GPR180: variants seen among roughly 807,000 people sequenced by gnomAD.
GPR180 encodes G protein-coupled receptor 180.
Under a neutral mutation model 52.6 loss-of-function variants are expected in GPR180, and 53 were observed. That is an observed-to-expected ratio of 1.01 (90% CI 0.81 to 1.27). The LOEUF is 1.27. Ranked by LOEUF, GPR180 falls within the 50% of genes most tolerant of loss-of-function variation. The pLI is 0.00. For missense variants in GPR180, 533 were observed against 527.0 expected (o/e 1.01, Z -0.11); for synonymous variants, 200 against 193.1 (o/e 1.04, Z -0.30).
At chr13:94,607,745 A>AG (rs1244798098) in intron 2 of GPR180, among the ~76,000 whole-genome samples, 1 of 152,198 alleles carries the variant, frequency 6.6e-6, no homozygotes, top group Non-Finnish European at 1.5e-5. Flanking sequence ...AGGCTGGTGG[A>AG]GGTGACCAGA....
chr13:94,626,028 C>G lies in GPR180; in HGVS notation c.1149C>G (p.Asp383Glu), dbSNP rs1889924531. The change falls in exon 8 of 9, where the codon GAC (aspartate) becomes GAG (glutamate). Residue 383 changes from aspartate to glutamate, a missense_variant. Physicochemically the swap from Asp to Glu is conservative, Grantham distance 45 (BLOSUM62 2). Transcript: ENST00000376958. ...CATGCATTTCTGTCATTTTTAGCGACTACCAAAGAGACAAGGTAAGAAATA... is the reference window on the plus strand; with the variant it reads ...CATGCATTTCTGTCATTTTTAGCGAGTACCAAAGAGACAAGGTAAGAAATA... The part of the protein sequence containing the change: ...VLACISVIFS[D>E]YQRDKVITIG... The G allele has an allele frequency of 1.2e-6, 2 of 1,609,226 alleles. No homozygotes were observed. Among genetic ancestry groups the G allele is most frequent in the African/African-American group, 1.3e-5 (1 of 74,732 alleles).
chr13:94,603,400 TGGA>T, intron 1 of GPR180, among the ~76,000 whole-genome samples: 1 of 152,248 alleles, frequency 6.6e-6, no homozygotes, highest in East Asian at 1.9e-4. Context: ...CTGGTAAACG[TGGA>T]GGAGAAACAT....
At chr13:94,622,898 C>G (rs1038566541) in intron 6 of GPR180, among the ~76,000 whole-genome samples, 1 of 152,110 alleles carries the variant, frequency 6.6e-6, no homozygotes, top group African/African-American at 2.4e-5. Context: ...TTAAAAATCT[C>G]TTAACTGTGG....
chr13:94,624,346 A>G (rs114987378), intron 7 of GPR180, among the ~76,000 whole-genome samples: 1,848 of 152,208 alleles, frequency 0.012, 40 homozygotes, highest in African/African-American at 0.042. Context: ...TGAGGCAGCT[A>G]TGGAAGGAGA....
chr13:94,619,719 T>TTTTG (rs996703845), intron 5 of GPR180, among the ~76,000 whole-genome samples: 2 of 152,170 alleles, frequency 1.3e-5, no homozygotes, highest in Non-Finnish European at 2.9e-5. Context: ...CTCGTTGTTT[T>TTTTG]TTTGTTTGTT....
At chr13:94,616,237 T>G (rs1301301984) in intron 3 of GPR180, among the ~76,000 whole-genome samples, 1 of 152,162 alleles carries the variant, frequency 6.6e-6, no homozygotes, top group Non-Finnish European at 1.5e-5. Context: ...TAAGTTGACA[T>G]GAAAGAAAGA....
chr13:94,626,174 TAGTA>T, intron 8 of GPR180, 131 bp downstream of exon 8: 1 of 543,174 alleles, frequency 1.8e-6, no homozygotes, highest in South Asian at 2.9e-5. Flanking sequence ...TGAAACAAAA[TAGTA>T]AACCAATAAG....
chr13:94,617,450 G>A (rs1014627498), intron 3 of GPR180, among the ~76,000 whole-genome samples: 1 of 152,094 alleles, frequency 6.6e-6, no homozygotes, highest in Non-Finnish European at 1.5e-5. Context: ...AGGCTGGAAT[G>A]CTTTTCTATG....
At chr13:94,619,663 A>G (rs113036926) in intron 5 of GPR180, 146 bp downstream of exon 5, 26 of 682,958 alleles carry the variant, frequency 3.8e-5, no homozygotes, top group Middle Eastern at 4.0e-4. Context: ...AAGTTCCCAT[A>G]TGTCTTACTT....
Position 94,619,317 on chromosome 13 carries a change from A to G in GPR180, c.673A>G (p.Ile225Val), listed in dbSNP as rs752974120. Residue 225 changes from isoleucine to valine, a missense_variant, in exon 4 of 9, where the codon ATT becomes GTT. Physicochemically the swap from Ile to Val is conservative, Grantham distance 29. Transcript: ENST00000376958. The part of the protein sequence containing the change: ...LQAGSALANY[I>V]HFSSYSKDGI... Reference sequence around the variant, plus strand: ...AGCTGGTTCAGCTTTAGCTAATTACATTCATTTCTCCAGGTAACTCAAAAC... The same window carrying G: ...AGCTGGTTCAGCTTTAGCTAATTACGTTCATTTCTCCAGGTAACTCAAAAC... The G allele has an allele frequency of 1.2e-6, 2 of 1,613,950 alleles. No homozygotes were observed. Among genetic ancestry groups the G allele is most frequent in the Non-Finnish European group, 8.5e-7 (1 of 1,179,914 alleles).
chr13:94,607,876 C>T (rs1889655164), intron 2 of GPR180, among the ~76,000 whole-genome samples: 1 of 152,154 alleles, frequency 6.6e-6, no homozygotes, highest in Admixed American at 6.5e-5. Flanking sequence ...TAAGTTTTTA[C>T]TAAGTATTTG....
chr13:94,625,438 T>G (rs1484022754), intron 7 of GPR180, among the ~76,000 whole-genome samples: 1 of 152,182 alleles, frequency 6.6e-6, no homozygotes, highest in Non-Finnish European at 1.5e-5. Flanking sequence ...AATTTAATTT[T>G]GGAAAAGAGA....
rs183893861 is a variant in GPR180, at chr13:94,632,087, G to T, written c.*4916G>T. ...GTAGGTGAAAGCAGCCCTGTGTTGT[G>T]TATCTCAGTAGACTCTTAAGAGATT... On this transcript the variant is annotated 3_prime_UTR_variant, in exon 9 of 9. Transcript: ENST00000376958. The T allele has an allele frequency of 2.6e-3, 402 of 152,278 alleles. 2 individuals carry two copies. The highest frequency in any genetic ancestry group is 9.2e-3 in the African/African-American group (383 of 41,544). 9.4% of individuals were successfully genotyped at this position (152,278 alleles called of 1,614,324 possible).
intron 3 of GPR180, among the ~76,000 whole-genome samples, chr13:94,614,862 T>C (rs1229688696): frequency 2.0e-5 from 3 of 152,216 alleles, no homozygotes; most frequent in Non-Finnish European, 1.5e-5. Context: ...TATGCAAGGC[T>C]TACCTTCGGG....
intron 6 of GPR180, among the ~76,000 whole-genome samples, chr13:94,622,165 T>C (rs1332727998): frequency 2.0e-5 from 3 of 152,054 alleles, no homozygotes; most frequent in Non-Finnish European, 2.9e-5. Context: ...AAGGAGGTAG[T>C]GCCAGGAAAG....
chr13:94,623,411 C>A, intron 7 of GPR180, 111 bp downstream of exon 7: 1 of 762,798 alleles, frequency 1.3e-6, no homozygotes, highest in East Asian at 2.6e-5. Context: ...CTGGGTTGGG[C>A]ACAGTGGCTC....
chr13:94,619,742 G>A (rs1042958282), intron 5 of GPR180, among the ~76,000 whole-genome samples: 9 of 152,100 alleles, frequency 5.9e-5, no homozygotes, highest in Non-Finnish European at 4.4e-5. Flanking sequence ...TTTGAGACAG[G>A]GTTCTTACTC....
At chr13:94,608,350 A>G (rs1889659990) in intron 2 of GPR180, among the ~76,000 whole-genome samples, 1 of 152,232 alleles carries the variant, frequency 6.6e-6, no homozygotes, top group African/African-American at 2.4e-5. Context: ...ACTACAACTT[A>G]ACAAAACCTT....
rs57614598 is a variant in GPR180 at position 94,611,783 on chromosome 13, C to T, written c.305-407C>T. On this transcript the variant is annotated intron_variant, in intron 2 of 8. Transcript: ENST00000376958. ...ACATGACCAATGTGCCCGGCCACCC[C>T]CAGGATCCCCAGAGCTCCAGCTTGG... is the stretch of plus-strand genomic sequence containing the variant. 3.8e-3 allele frequency among the ~76,000 whole-genome samples: 577 copies of T among 152,100 alleles called. 7 individuals carry two copies. The highest frequency in any genetic ancestry group is 0.013 in the African/African-American group (548 of 41,474).
Sources: allele counts gnomAD v4.1 joint callset (sites outside exome capture counted in the v4.1 genomes callset), GRCh38; gene constraint gnomAD v4.1.1; transcripts MANE v1.5; gene names NCBI Gene and HGNC (gene_info 2026-07-23, HGNC 2026-07-21).